CEP76: variants seen among roughly 807,000 people sequenced by gnomAD.
The protein encoded by CEP76 is centrosomal protein of 76 kDa.
A neutral mutation model predicts 83.3 loss-of-function variants in CEP76; 55 were observed. That is an observed-to-expected ratio of 0.66 (90% CI 0.53 to 0.83). The LOEUF (loss-of-function observed/expected upper bound fraction) is 0.83, where lower values mean the gene tolerates loss of function less well. Among genes scored for constraint, CEP76 ranks in the 40% least tolerant of loss-of-function variants. The pLI, the probability that CEP76 is intolerant of heterozygous loss-of-function variation, is 0.00. For synonymous variants in CEP76, 270 were observed against 274.5 expected (o/e 0.98, Z 0.16); for missense variants, 694 against 799.5 (o/e 0.87, Z 1.59).
Position 12,674,704 on chromosome 18 carries a change from G to A in CEP76, c.1673C>T (p.Ser558Leu). The change falls in exon 11 of 12, where the codon TCA becomes TTA. Residue 558 changes from serine to leucine, a missense_variant. Physicochemically the swap from Ser to Leu is moderately radical, Grantham distance 145. Transcript: ENST00000262127. The stretch of plus-strand genomic sequence containing the variant: ...AAATTCATAAGAAGCCAAAGCTGGT[G>A]ATAAAAGGTAGGAGAGCTGGTCTTC... Reference protein sequence around the residue: ...VWEDQLSYLLSPALASYEFER... With the variant: ...VWEDQLSYLLLPALASYEFER... 1 of 1,614,088 alleles carries A rather than the reference G, an allele frequency of 6.2e-7. No individual in the cohort carries two copies. Among genetic ancestry groups the A allele is most frequent in the Non-Finnish European group, 8.5e-7 (1 of 1,180,010 alleles).
downstream of CEP76, among the ~76,000 whole-genome samples, chr18:12,672,184 ACCT>A (rs1315146241): frequency 7.7e-6 from 1 of 129,058 alleles, no homozygotes; most frequent in African/African-American, 3.0e-5. Flanking sequence ...GCGCGATCTC[ACCT>A]CACTGCAACC....
In CEP76 at chr18:12,697,253, T is replaced by G; in HGVS notation, c.676A>C (p.Thr226Pro). The G allele has an allele frequency of 1.2e-6, 2 of 1,613,692 alleles. No individual in the cohort carries two copies. The highest frequency in any genetic ancestry group is 1.7e-6 in the Non-Finnish European group (2 of 1,179,806). Residue 226 changes from threonine (T) to proline (P), a missense_variant, in exon 5 of 12, where the codon ACC becomes CCC. By Grantham distance (38) the Thr-to-Pro change is conservative (BLOSUM62 -1). Coordinates refer to ENST00000262127, the MANE Select transcript of CEP76 (RefSeq NM_024899.4). ...CCCATAAGTTCCACAGTCAGACTGG[T>G]CACTCCATTTTCTGAGCCCAAAACC... ...RSVLGSENGV[T>P]SLTVELMGVG...
Position 12,678,337 on chromosome 18 carries a change from G to C in CEP76, c.1395C>G (p.Phe465Leu). ...TIGCVFNHQM[F>L]LGNCQPSDAV... ...CATCAGAGGGTTGACAATTTCCCAGGAACATCTGATGGTTGAAAACACAAC... is the reference window on the plus strand; with the variant it reads ...CATCAGAGGGTTGACAATTTCCCAGCAACATCTGATGGTTGAAAACACAAC... The change falls in exon 10 of 12, where the codon TTC becomes TTG. Residue 465 changes from phenylalanine (F) to leucine (L), a missense_variant. Physicochemically the swap from Phe to Leu is conservative, Grantham distance 22. Coordinates refer to ENST00000262127, the MANE Select transcript of CEP76 (RefSeq NM_024899.4). The C allele has an allele frequency of 1.9e-6, 3 of 1,614,098 alleles. No homozygotes were observed. The highest frequency in any genetic ancestry group is 2.5e-6 in the Non-Finnish European group (3 of 1,180,014).
intron 7 of CEP76, among the ~76,000 whole-genome samples, chr18:12,690,536 A>C (rs1305834581): frequency 2.6e-5 from 4 of 151,944 alleles, no homozygotes; most frequent in South Asian, 2.1e-4. Context: ...GCTCACTGCA[A>C]GCTCCGCCTC....
At chr18:12,702,316 AG>A in intron 1 of CEP76, 169 bp downstream of exon 1, 1 of 563,718 alleles carries the variant, frequency 1.8e-6, no homozygotes, top group Non-Finnish European at 3.1e-6. Context: ...CTCGGAGACG[AG>A]GACGCTCTCC....
At chr18:12,688,908 A>G (rs962605075) in intron 7 of CEP76, among the ~76,000 whole-genome samples, 3 of 152,066 alleles carry the variant, frequency 2.0e-5, no homozygotes, top group Admixed American at 1.3e-4. Flanking sequence ...AGGTCAGGAG[A>G]TCGAGACCAT....
chr18:12,699,064 T>C lies in CEP76; in HGVS notation c.435A>G (p.Gln145=), dbSNP rs528967798. The C allele has an allele frequency of 9.9e-6, 16 of 1,614,106 alleles. No individual in the cohort carries two copies. Among genetic ancestry groups the C allele is most frequent in the South Asian group, 8.8e-5 (8 of 91,078 alleles). ...ATGGAACAGGTTTAGAACGAAAACG[T>C]TGGTTTCGATAATGTAAACATAAAG... is the stretch of plus-strand genomic sequence containing the variant. ...TFTLCLHYRN[Q]RFRSKPVPCA... is the part of the protein sequence containing the mutation. Residue 145 remains glutamine (Q), a synonymous_variant, in exon 4 of 12, where the codon CAA becomes CAG. Coordinates refer to ENST00000262127, the MANE Select transcript of CEP76 (RefSeq NM_024899.4).
chr18:12,690,676 CG>C (rs2145066837), intron 7 of CEP76, among the ~76,000 whole-genome samples: 1 of 152,084 alleles, frequency 6.6e-6, no homozygotes, highest in East Asian at 1.9e-4. Flanking sequence ...AGGATGGTCT[CG>C]ATCTCCTGAC....
At chr18:12,701,148 C>G (rs778748412) in intron 1 of CEP76, 35 bp from the exon 2 acceptor site, 11 of 1,554,222 alleles carry the variant, frequency 7.1e-6, no homozygotes, top group Non-Finnish European at 9.7e-6. Flanking sequence ...TTTATAACAT[C>G]ACAAAGCAGT....
In CEP76 at chr18:12,665,695, AT is replaced by A. The variant is rs1568003547; in HGVS notation, c.*1728-3527del. ...AATGTTTTAAACAAACTTCTTAAAA[AT>A]TTTTTTTTAATTTTTTTTGAGACAG... On this transcript the variant is annotated intron_variant and NMD_transcript_variant, in intron 12 of 12. Transcript: ENST00000590143. 2.6e-5 allele frequency among the ~76,000 whole-genome samples: 4 copies of A among 151,936 alleles called. No individual in the cohort carries two copies. The South Asian group carries it at 8.3e-4, about 32-fold the overall frequency.
intron 6 of CEP76, 31 bp downstream of exon 6, chr18:12,695,223 C>T (rs1283827796): frequency 2.0e-6 from 2 of 1,003,556 alleles, no homozygotes; most frequent in South Asian, 1.7e-5. Context: ...AAAACAAACA[C>T]ACAAAAAAAG....
chr18:12,664,193 GC>G (rs979356676), intron 12 of CEP76, among the ~76,000 whole-genome samples: 1 of 151,854 alleles, frequency 6.6e-6, no homozygotes, highest in African/African-American at 2.4e-5. Context: ...TCCCACTTCA[GC>G]CTTCTGAATG....
In CEP76 at chr18:12,699,212, T is replaced by C; in HGVS notation, c.296-9A>G. 1 of 1,573,222 alleles carries C rather than the reference T, an allele frequency of 6.4e-7. No homozygotes were observed. Among genetic ancestry groups the C allele is most frequent in the South Asian group, 1.1e-5 (1 of 89,470 alleles). On this transcript the variant is annotated splice_polypyrimidine_tract_variant and intron_variant, in intron 3 of 11. Coordinates refer to ENST00000262127, the MANE Select transcript of CEP76 (RefSeq NM_024899.4). ...TGTTGGATCAATATTAGCTGTAAAGTGTAGCAATATATATGAGGAAACTGC... is the reference window on the plus strand; with the variant it reads ...TGTTGGATCAATATTAGCTGTAAAGCGTAGCAATATATATGAGGAAACTGC...
At chr18:12,674,481 G>T in intron 11 of CEP76, 55 bp downstream of exon 11, 1 of 1,321,604 alleles carries the variant, frequency 7.6e-7, no homozygotes, top group South Asian at 1.2e-5. Context: ...ACCCCTGCCG[G>T]ACTGATCTGT....
Position 12,672,712 on chromosome 18 carries a change from C to T in CEP76, c.*653G>A. On this transcript the variant is annotated 3_prime_UTR_variant, in exon 12 of 12. Coordinates refer to ENST00000262127, the MANE Select transcript of CEP76 (RefSeq NM_024899.4). ...TTCTAAAATACCCAATTCATTTTTACAACAAATCACAGTGATAAATATTTC... is the reference window on the plus strand; with the variant it reads ...TTCTAAAATACCCAATTCATTTTTATAACAAATCACAGTGATAAATATTTC... 1 of 969,724 alleles carries T rather than the reference C, an allele frequency of 1.0e-6. No individual in the cohort carries two copies. Among genetic ancestry groups the T allele is most frequent in the South Asian group, 4.8e-5 (1 of 20,950 alleles). The allele number at this position is 969,724 out of a possible 1,614,324, so 60.1% of individuals were successfully genotyped here.
chr18:12,662,836 C>G (rs1467878794), intron 12 of CEP76, among the ~76,000 whole-genome samples: 1 of 152,062 alleles, frequency 6.6e-6, no homozygotes, highest in Non-Finnish European at 1.5e-5. Flanking sequence ...AATGTGTGAA[C>G]AATAGTGTAT....
chr18:12,668,597 C>CAAAAAAAAAAAAAAAAAAAAAAAAAAAAA (rs752216074), downstream of CEP76, among the ~76,000 whole-genome samples: 3 of 72,836 alleles, frequency 4.1e-5, no homozygotes, highest in Non-Finnish European at 7.2e-5. Flanking sequence ...GATTCCATCT[C>CAAAAAAAAAAAAAAAAAAAAAAAAAAAAA]AAAAAAAAAA....
intron 6 of CEP76, among the ~76,000 whole-genome samples, chr18:12,694,145 G>A (rs2039867325): frequency 6.6e-6 from 1 of 152,128 alleles, no homozygotes; most frequent in Admixed American, 6.6e-5. Flanking sequence ...CTCACTATGT[G>A]GTTTCAGGTA....
rs1289805505 is a variant in CEP76 at position 12,686,562 on chromosome 18, C to T, written c.934-112G>A. 3 of 770,550 alleles carry T rather than the reference C, an allele frequency of 3.9e-6. No individual in the cohort carries two copies. The East Asian group carries it at 7.9e-5, about 20-fold the overall frequency. The allele number at this position is 770,550 out of a possible 1,614,324, so 47.7% of individuals were successfully genotyped here. A position where few individuals can be genotyped will look rare whatever the true frequency, so the allele number is the denominator to read the frequency against. On this transcript the variant is annotated intron_variant, in intron 7 of 11. Coordinates refer to ENST00000262127, the MANE Select transcript of CEP76 (RefSeq NM_024899.4). ...AATTCAGCATACCATTGATCGAGTG[C>T]TTACCTTGTATCCAGTATTTGGCTG...
Sources: gnomAD v4.1 joint callset for allele counts (sites outside exome capture counted in the v4.1 genomes callset) on GRCh38, gnomAD v4.1.1 for gene constraint, MANE v1.5 for transcripts, NCBI Gene and HGNC (gene_info 2026-07-23, HGNC 2026-07-21) for gene names.